The following CHST11 variants were observed in gnomAD, a reference collection of about 807,000 sequenced individuals.
CHST11 encodes carbohydrate sulfotransferase 11, also known as C4S-1.
Under a neutral mutation model 30.4 loss-of-function variants are expected in CHST11, and 9 were observed. The ratio of observed to expected loss-of-function variants is 0.30; its 90% CI spans 0.18 to 0.52. The LOEUF is 0.52. Among genes scored for constraint, CHST11 ranks in the 20% least tolerant of loss-of-function variants. The probability of loss-of-function intolerance (pLI) is 0.97; values close to 1 mark genes in which losing one functional copy is unlikely to be tolerated. For missense variants in CHST11, 348 were observed against 460.6 expected, an observed-to-expected ratio of 0.76 and a Z score of 2.24; for synonymous variants, 152 against 187.8, an observed-to-expected ratio of 0.81 and a Z score of 1.56.
intron 2 of CHST11, among the ~76,000 whole-genome samples, chr12:104,756,532 G>GT (rs1555250377): frequency 7.0e-5 from 10 of 143,292 alleles, no homozygotes; most frequent in East Asian, 6.2e-4. Flanking sequence ...ATCCATGTGG[G>GT]GTGTGTGTGT....
At chr12:104,497,374 G>A (rs10861227) in intron 1 of CHST11, among the ~76,000 whole-genome samples, 28,395 of 152,146 alleles carry the variant, frequency 0.19, 2,863 homozygotes, top group East Asian at 0.33. Context: ...CGGCAAGATG[G>A]TGGCCGTCTG....
chr12:104,721,766 A>G (rs2040179318), intron 2 of CHST11, among the ~76,000 whole-genome samples: 1 of 152,216 alleles, frequency 6.6e-6, no homozygotes, highest in Non-Finnish European at 1.5e-5. Context: ...ACTCCATGAT[A>G]AGTCAGATTT....
rs549771597 is a variant in CHST11, at chr12:104,468,470, G to T, written c.118+10941G>T. Reference sequence around the variant, plus strand: ...AATGGATGGAATAAAAACCAAACCCGGCTGTATGACTTCATATCCGCTGCT... The same window carrying T: ...AATGGATGGAATAAAAACCAAACCCTGCTGTATGACTTCATATCCGCTGCT... On this transcript the variant is annotated intron_variant, in intron 1 of 2. Transcript: ENST00000303694. Among the ~76,000 whole-genome samples, 6 of 152,218 alleles carry T rather than the reference G, an allele frequency of 3.9e-5. No homozygotes were observed. The South Asian group carries it at 1.2e-3, about 32-fold the overall frequency.
At chr12:104,614,684 C>T (rs1455608144) in intron 2 of CHST11, among the ~76,000 whole-genome samples, 1 of 130,486 alleles carries the variant, frequency 7.7e-6, no homozygotes, top group Admixed American at 8.0e-5. Flanking sequence ...TGTGTGTGTG[C>T]ATGCATGCTT....
chr12:104,583,721 C>CTTTTTTTTTT (rs1297368145), intron 1 of CHST11, among the ~76,000 whole-genome samples: 2 of 10,112 alleles, frequency 2.0e-4, no homozygotes, highest in African/African-American at 2.3e-4. Flanking sequence ...AGATCTCTCT[C>CTTTTTTTTTT]TTTTTTTTGA....
intron 2 of CHST11, 71 bp downstream of exon 2, chr12:104,602,062 A>G (rs1436113288): frequency 2.6e-6 from 3 of 1,148,296 alleles, no homozygotes; most frequent in Non-Finnish European, 3.9e-6. Context: ...AAACTCTAAA[A>G]TTGTGGTCTT....
At chr12:104,493,974 C>T (rs968681678) in intron 1 of CHST11, among the ~76,000 whole-genome samples, 1 of 152,174 alleles carries the variant, frequency 6.6e-6, no homozygotes, top group African/African-American at 2.4e-5. Flanking sequence ...AACACACACA[C>T]CACCATGCCT....
At chr12:104,574,011 C>G (rs1203908026) in intron 1 of CHST11, among the ~76,000 whole-genome samples, 1 of 152,088 alleles carries the variant, frequency 6.6e-6, no homozygotes, top group African/African-American at 2.4e-5. Flanking sequence ...AACGAATTTA[C>G]AAGAAAAAAA....
At chr12:104,495,085 T>G (rs879727517) in intron 1 of CHST11, among the ~76,000 whole-genome samples, 35 of 152,230 alleles carry the variant, frequency 2.3e-4, no homozygotes, top group Non-Finnish European at 4.1e-4. Context: ...TTTCTGTTTT[T>G]GGGACTGGGT....
At position 104,626,296 on chromosome 12, in the gene CHST11, A is replaced by G. The variant is rs750100455; in HGVS notation, c.204+24305A>G. ...TTTTGGTGAGGTTTTATAGTGATTT[A>G]ATAAGAAAAGCTTTTTTAAAACCTC... On this transcript the variant is annotated intron_variant, in intron 2 of 2. Coordinates refer to ENST00000303694, the MANE Select transcript of CHST11 (RefSeq NM_018413.6). 2.9e-4 allele frequency among the ~76,000 whole-genome samples: 44 copies of G among 152,246 alleles called. 1 individual carries two copies. Among genetic ancestry groups the G allele is most frequent in the Non-Finnish European group, 8.8e-5 (6 of 68,034 alleles).
intron 1 of CHST11, among the ~76,000 whole-genome samples, chr12:104,550,099 A>G: frequency 6.6e-6 from 1 of 152,210 alleles, no homozygotes; most frequent in Non-Finnish European, 1.5e-5. Flanking sequence ...AACTAGAGGC[A>G]CCCCTTGTGG....
At chr12:104,667,621 C>T (rs1362142470) in intron 2 of CHST11, among the ~76,000 whole-genome samples, 1 of 152,162 alleles carries the variant, frequency 6.6e-6, no homozygotes, top group Non-Finnish European at 1.5e-5. Flanking sequence ...AGGACTTCCG[C>T]ATGCATCCAG....
chr12:104,572,072 T>C (rs2038632046), intron 1 of CHST11, among the ~76,000 whole-genome samples: 1 of 152,224 alleles, frequency 6.6e-6, no homozygotes, highest in Non-Finnish European at 1.5e-5. Flanking sequence ...GCCCACTTGA[T>C]CATGGTGGAT....
At chr12:104,652,343 C>A (rs755341902) in intron 2 of CHST11, among the ~76,000 whole-genome samples, 1 of 152,190 alleles carries the variant, frequency 6.6e-6, no homozygotes, top group Non-Finnish European at 1.5e-5. Flanking sequence ...AGCAGCTCCC[C>A]GATGAGTTGA....
At chr12:104,575,156 G>T (rs2038671051) in intron 1 of CHST11, among the ~76,000 whole-genome samples, 1 of 151,652 alleles carries the variant, frequency 6.6e-6, no homozygotes, top group Admixed American at 6.6e-5. Context: ...CTGTGCCACT[G>T]CACCCCAGCC....
In CHST11 at chr12:104,759,420, T is replaced by G. The variant is rs1478518771; in HGVS notation, c.*1617T>G. On this transcript the variant is annotated 3_prime_UTR_variant, in exon 3 of 3. Coordinates refer to ENST00000303694, the MANE Select transcript of CHST11 (RefSeq NM_018413.6). ...ATCCCTCTTACAGCTAGTGAATGAG[T>G]TGGTAGCAGCTACTGTATATAATAA... 1 of 151,776 alleles carries G rather than the reference T, an allele frequency of 6.6e-6. No individual in the cohort carries two copies. Among genetic ancestry groups the G allele is most frequent in the Non-Finnish European group, 1.5e-5 (1 of 67,954 alleles). 9.4% of individuals were successfully genotyped at this position (151,776 alleles called of 1,614,324 possible).
At chr12:104,582,931 C>T (rs935108819) in intron 1 of CHST11, among the ~76,000 whole-genome samples, 4 of 151,910 alleles carry the variant, frequency 2.6e-5, no homozygotes, top group African/African-American at 9.7e-5. Flanking sequence ...CATCTGGCTG[C>T]TTCCCCTAGA....
chr12:104,487,678 C>T (rs2135965019), intron 1 of CHST11, among the ~76,000 whole-genome samples: 1 of 151,688 alleles, frequency 6.6e-6, no homozygotes, highest in Admixed American at 6.6e-5. Context: ...ACTTAGATTG[C>T]TGGCTCCTTT....
intron 1 of CHST11, among the ~76,000 whole-genome samples, chr12:104,534,954 T>A (rs182180346): frequency 3.2e-3 from 485 of 152,358 alleles, no homozygotes; most frequent in Admixed American, 7.5e-3. Flanking sequence ...AGATGTGAAT[T>A]ATACATTTTT....
Sources: allele counts gnomAD v4.1 joint callset (sites outside exome capture counted in the v4.1 genomes callset), GRCh38; gene constraint gnomAD v4.1.1; transcripts MANE v1.5; gene names NCBI Gene and HGNC (gene_info 2026-07-23, HGNC 2026-07-21).